SFI1: variants seen among roughly 807,000 people sequenced by gnomAD.
SFI1 encodes SFI1 centrin binding protein.
SFI1 carries 195 observed loss-of-function variants against 207.5 expected under a neutral mutation model. The ratio of observed to expected loss-of-function variants is 0.94; its 90% CI spans 0.84 to 1.06. The LOEUF (loss-of-function observed/expected upper bound fraction) is 1.06. SFI1 is among the 50% of genes least tolerant of loss of function. The pLI, the probability that SFI1 is intolerant of heterozygous loss-of-function variation, is 0.00. For synonymous variants in SFI1, 630 were observed against 598.9 expected (o/e 1.05, Z -0.76); for missense variants, 1,634 against 1,588.0 (o/e 1.03, Z -0.49).
intron 5 of SFI1, among the ~76,000 whole-genome samples, chr22:31,548,292 G>A (rs1359543646): frequency 1.3e-5 from 2 of 151,806 alleles, no homozygotes; most frequent in African/African-American, 2.4e-5. Flanking sequence ...GGGGAAGGCC[G>A]AGTGTGGTGG....
chr22:31,606,273 C>T (rs1038262333), intron 20 of SFI1, 55 bp from the exon 21 acceptor site: 2 of 1,505,292 alleles, frequency 1.3e-6, no homozygotes, highest in Non-Finnish European at 1.8e-6. Context: ...ACAGAAGCCT[C>T]CCTTCTCTCT....
chr22:31,593,645 G>A (rs1362172818), intron 15 of SFI1, among the ~76,000 whole-genome samples: 31 of 123,864 alleles, frequency 2.5e-4, no homozygotes, highest in Admixed American at 4.2e-4. Flanking sequence ...CAAGGCAGGC[G>A]GCTGGGAGGT....
intron 11 of SFI1, among the ~76,000 whole-genome samples, chr22:31,579,306 A>T (rs1191479793): frequency 6.6e-6 from 1 of 150,848 alleles, no homozygotes; most frequent in Non-Finnish European, 1.5e-5. Flanking sequence ...ACCATGCCCA[A>T]CTAATTTTTT....
chr22:31,571,538 C>A (rs935042912), intron 8 of SFI1, among the ~76,000 whole-genome samples: 1 of 151,384 alleles, frequency 6.6e-6, no homozygotes, highest in Non-Finnish European at 1.5e-5. Context: ...TGGGCTCAAA[C>A]TCCTGAGGTC....
chr22:31,532,266 T>A (rs561133665), intron 4 of SFI1, among the ~76,000 whole-genome samples: 1 of 152,226 alleles, frequency 6.6e-6, no homozygotes, highest in Non-Finnish European at 1.5e-5. Flanking sequence ...GAAATTTTAG[T>A]GAGGAGCAAA....
At chr22:31,528,969 A>G in intron 3 of SFI1, 106 bp downstream of exon 3, 1 of 1,112,226 alleles carries the variant, frequency 9.0e-7, no homozygotes, top group Non-Finnish European at 1.3e-6. Flanking sequence ...TTAGTGGGAG[A>G]TCTTGATGCC....
At chr22:31,604,218 A>G in intron 18 of SFI1, 91 bp from the exon 19 acceptor site, 1 of 962,590 alleles carries the variant, frequency 1.0e-6, no homozygotes, top group South Asian at 1.4e-5. Flanking sequence ...ATTTACACTC[A>G]CACAGATGAT....
chr22:31,496,499 C>G (rs1347897828), upstream of SFI1: 2 of 152,306 alleles, frequency 1.3e-5, no homozygotes, highest in Non-Finnish European at 2.9e-5. Context: ...GAGGGCGGGC[C>G]CGCGCGAGAC....
intron 4 of SFI1, among the ~76,000 whole-genome samples, chr22:31,542,073 C>G (rs1413866547): frequency 7.1e-6 from 1 of 141,368 alleles, no homozygotes; most frequent in Non-Finnish European, 1.5e-5. Context: ...TGCACTCCAG[C>G]CTGGGTGACA....
chr22:31,614,941 C>A, intron 28 of SFI1, 81 bp downstream of exon 28: 2 of 1,581,320 alleles, frequency 1.3e-6, no homozygotes, highest in Non-Finnish European at 8.6e-7. Context: ...CCATGTGGGG[C>A]CTGTGTTTTG....
intron 15 of SFI1, among the ~76,000 whole-genome samples, chr22:31,601,527 T>C (rs936537553): frequency 6.6e-5 from 10 of 152,178 alleles, no homozygotes; most frequent in African/African-American, 2.4e-4. Flanking sequence ...TGCCCCTTGT[T>C]TTTCAACAGG....
chr22:31,595,315 A>C (rs548141295), intron 15 of SFI1, among the ~76,000 whole-genome samples: 1 of 152,314 alleles, frequency 6.6e-6, no homozygotes, highest in African/African-American at 2.4e-5. Context: ...GAAATTATTA[A>C]TCACTAACTG....
At chr22:31,563,218 C>G (rs992905163) in intron 8 of SFI1, among the ~76,000 whole-genome samples, 29 of 151,924 alleles carry the variant, frequency 1.9e-4, no homozygotes, top group Non-Finnish European at 4.4e-5. Flanking sequence ...GTTGCTAACT[C>G]CTGAGCTCAG....
intron 4 of SFI1, among the ~76,000 whole-genome samples, chr22:31,537,800 GT>G (rs1181661511): frequency 6.6e-6 from 1 of 152,072 alleles, no homozygotes; most frequent in Non-Finnish European, 1.5e-5. Context: ...AATCAAGTAG[GT>G]TCTTTGTTAC....
intron 7 of SFI1, among the ~76,000 whole-genome samples, chr22:31,559,085 G>A (rs1044627343): frequency 1.3e-5 from 2 of 152,000 alleles, no homozygotes; most frequent in Non-Finnish European, 2.9e-5. Flanking sequence ...GAGATTATAG[G>A]CATGAGCCAC....
At chr22:31,556,159 C>G (rs1184678540) in intron 6 of SFI1, among the ~76,000 whole-genome samples, 1 of 127,456 alleles carries the variant, frequency 7.8e-6, no homozygotes. Flanking sequence ...ATCATGATTT[C>G]TTCTTCTTTA....
intron 15 of SFI1, among the ~76,000 whole-genome samples, chr22:31,594,730 C>T (rs1398211450): frequency 6.6e-6 from 1 of 150,390 alleles, no homozygotes; most frequent in Admixed American, 6.6e-5. Context: ...TGGTGGGCGA[C>T]TGTAGTCCCA....
chr22:31,530,757 A>G (rs5998031), intron 3 of SFI1: 20,600 of 423,904 alleles, frequency 0.049, 700 homozygotes, highest in African/African-American at 0.089. Context: ...TTAGGCAGGA[A>G]GAATAATATG....
At chr22:31,585,848 G>A (rs2064965379) in intron 14 of SFI1, among the ~76,000 whole-genome samples, 1 of 152,156 alleles carries the variant, frequency 6.6e-6, no homozygotes, top group Non-Finnish European at 1.5e-5. Context: ...ATCTGCCATT[G>A]TGAGAAGTGC....
Sources: allele counts gnomAD v4.1 joint callset (sites outside exome capture counted in the v4.1 genomes callset), GRCh38; gene constraint gnomAD v4.1.1; transcripts MANE v1.5; gene names NCBI Gene and HGNC (gene_info 2026-07-23, HGNC 2026-07-21).